The following LDLRAD3 variants were observed in gnomAD, a reference collection of about 807,000 sequenced individuals.
LDLRAD3 encodes low density lipoprotein receptor class A domain containing 3.
LDLRAD3 carries 20 observed loss-of-function variants against 29.4 expected under a neutral mutation model. That is an observed-to-expected ratio of 0.68 (90% CI 0.48 to 0.99). The LOEUF (loss-of-function observed/expected upper bound fraction) is 0.99. LDLRAD3 is among the 50% of genes least tolerant of loss of function. LDLRAD3 has a pLI of 0.00. For synonymous variants in LDLRAD3, 157 were observed against 192.7 expected (o/e 0.81, Z 1.53); for missense variants, 420 against 454.3 (o/e 0.92, Z 0.69).
chr11:36,078,522 C>G (rs1373053636), intron 2 of LDLRAD3, among the ~76,000 whole-genome samples: 1 of 152,222 alleles, frequency 6.6e-6, no homozygotes, highest in Non-Finnish European at 1.5e-5. Flanking sequence ...CAACTTTGCT[C>G]CATGATCTGA....
intron 4 of LDLRAD3, among the ~76,000 whole-genome samples, chr11:36,184,976 G>C (rs754628045): frequency 2.0e-5 from 3 of 152,142 alleles, no homozygotes; most frequent in Non-Finnish European, 2.9e-5. Context: ...CAATTTTCCA[G>C]ATGCTTACCT....
chr11:36,159,319 A>G (rs893646786), intron 4 of LDLRAD3, among the ~76,000 whole-genome samples: 2 of 151,706 alleles, frequency 1.3e-5, no homozygotes, highest in African/African-American at 4.8e-5. Context: ...ATTTTAAAAA[A>G]CTTGCTGGGT....
chr11:36,173,262 G>A (rs1854623597), intron 4 of LDLRAD3, among the ~76,000 whole-genome samples: 1 of 151,644 alleles, frequency 6.6e-6, no homozygotes, highest in Admixed American at 6.6e-5. Context: ...ATGTATACAT[G>A]TGCCATGTTG....
intron 1 of LDLRAD3, among the ~76,000 whole-genome samples, chr11:35,947,403 C>T (rs1289179435): frequency 6.6e-6 from 1 of 151,636 alleles, no homozygotes; most frequent in Admixed American, 6.6e-5. Context: ...CCAGCTACTC[C>T]GGAGGCCAAG....
chr11:36,037,556 G>A (rs566721337), intron 2 of LDLRAD3, among the ~76,000 whole-genome samples: 2 of 152,166 alleles, frequency 1.3e-5, no homozygotes, highest in South Asian at 4.2e-4. Context: ...CTCATGATCC[G>A]CCCACCTCAG....
chr11:36,109,451 G>A (rs903467280), intron 4 of LDLRAD3, among the ~76,000 whole-genome samples: 1 of 152,188 alleles, frequency 6.6e-6, no homozygotes, highest in African/African-American at 2.4e-5. Context: ...CTGGATGAGA[G>A]TAGCAAGCTG....
intron 4 of LDLRAD3, among the ~76,000 whole-genome samples, chr11:36,199,583 A>ACG (rs1440352571): frequency 8.6e-5 from 13 of 150,296 alleles, no homozygotes; most frequent in African/African-American, 2.4e-4. Context: ...ACACACACAC[A>ACG]CACACGCACG....
intron 4 of LDLRAD3, among the ~76,000 whole-genome samples, chr11:36,101,474 C>A (rs540788131): frequency 7.9e-5 from 12 of 152,266 alleles, no homozygotes; most frequent in Middle Eastern, 3.4e-3. Context: ...GTTCAGATAT[C>A]CACGATTTAT....
At chr11:36,092,648 T>G (rs1853300973) in intron 3 of LDLRAD3, among the ~76,000 whole-genome samples, 1 of 152,248 alleles carries the variant, frequency 6.6e-6, no homozygotes, top group Non-Finnish European at 1.5e-5. Flanking sequence ...CTTCTCTGGC[T>G]GTCAGCTTTT....
At chr11:36,011,635 A>G (rs1851957230) in intron 1 of LDLRAD3, among the ~76,000 whole-genome samples, 1 of 152,220 alleles carries the variant, frequency 6.6e-6, no homozygotes, top group Non-Finnish European at 1.5e-5. Flanking sequence ...TAACTTATGT[A>G]TTCTTCATCA....
intron 4 of LDLRAD3, among the ~76,000 whole-genome samples, chr11:36,135,143 C>T (rs1853985335): frequency 6.6e-6 from 1 of 152,188 alleles, no homozygotes; most frequent in South Asian, 2.1e-4. Context: ...CCTGGAGATG[C>T]AGCCTCTCAA....
intron 2 of LDLRAD3, among the ~76,000 whole-genome samples, chr11:36,037,960 G>A (rs1196106466): frequency 6.6e-6 from 1 of 152,194 alleles, no homozygotes; most frequent in Non-Finnish European, 1.5e-5. Flanking sequence ...GCAATGGCAT[G>A]ATCACAGCTC....
chr11:36,204,406 TCTC>T (rs908000857), intron 4 of LDLRAD3, among the ~76,000 whole-genome samples: 8 of 152,078 alleles, frequency 5.3e-5, no homozygotes, highest in Non-Finnish European at 1.0e-4. Context: ...TGGTCCTTCT[TCTC>T]CTCCCATGTC....
chr11:36,031,199 G>A (rs924515657), intron 1 of LDLRAD3, among the ~76,000 whole-genome samples: 55 of 152,202 alleles, frequency 3.6e-4, no homozygotes, highest in African/African-American at 1.2e-3. Flanking sequence ...AAGGGAGGAG[G>A]AGAAACCCCA....
chr11:36,009,883 T>C (rs565947449), intron 1 of LDLRAD3, among the ~76,000 whole-genome samples: 1 of 152,330 alleles, frequency 6.6e-6, no homozygotes, highest in Admixed American at 6.5e-5. Flanking sequence ...TATCAGGAAT[T>C]CTCCAGCTTT....
intron 4 of LDLRAD3, among the ~76,000 whole-genome samples, chr11:36,118,463 A>G (rs532941970): frequency 2.8e-4 from 41 of 145,702 alleles, no homozygotes; most frequent in Non-Finnish European, 1.0e-4. Flanking sequence ...TTTGACACAC[A>G]TGTCTCCAAA....
chr11:36,203,060 C>T (rs1855150559), intron 4 of LDLRAD3, among the ~76,000 whole-genome samples: 1 of 152,124 alleles, frequency 6.6e-6, no homozygotes, highest in Non-Finnish European at 1.5e-5. Flanking sequence ...CCTTAGCCTC[C>T]TGAGTAGCTA....
chr11:36,047,650 CAG>C (rs777728268), intron 2 of LDLRAD3, among the ~76,000 whole-genome samples: 6 of 152,206 alleles, frequency 3.9e-5, no homozygotes, highest in Admixed American at 6.5e-5. Flanking sequence ...GGGTAGCAGA[CAG>C]GGTGCAAAGT....
chr11:36,103,429 C>T (rs1297064865), intron 4 of LDLRAD3, among the ~76,000 whole-genome samples: 8 of 151,964 alleles, frequency 5.3e-5, no homozygotes, highest in Non-Finnish European at 1.2e-4. Flanking sequence ...TTAGTAGAGA[C>T]GGGGTTTCAC....
Sources: gnomAD v4.1 joint callset for allele counts (sites outside exome capture counted in the v4.1 genomes callset) on GRCh38, gnomAD v4.1.1 for gene constraint, MANE v1.5 for transcripts, NCBI Gene and HGNC (gene_info 2026-07-23, HGNC 2026-07-21) for gene names.